Variants in NALCN observed in about 807,000 individuals in gnomAD.
The protein encoded by NALCN is sodium leak channel NALCN.
In NALCN, 111 loss-of-function variants were observed where a neutral mutation model predicts 225.3. That is an observed-to-expected ratio of 0.49 (90% CI 0.42 to 0.58). The LOEUF is 0.58. Ranked by LOEUF, NALCN falls within the 20% of genes least tolerant of loss-of-function variation. The pLI is 0.00. For missense variants in NALCN, 1,378 were observed against 2,202.4 expected (o/e 0.63, Z 7.49); for synonymous variants, 764 against 769.0 (o/e 0.99, Z 0.11).
intron 15 of NALCN, among the ~76,000 whole-genome samples, chr13:101,173,599 T>G (rs1054458776): frequency 6.6e-6 from 1 of 152,176 alleles, no homozygotes; most frequent in Non-Finnish European, 1.5e-5. Context: ...AATGTCACCA[T>G]AGCTATGAGA....
chr13:101,330,465 T>TTTGGA (rs2045125369), intron 7 of NALCN, among the ~76,000 whole-genome samples: 1 of 152,164 alleles, frequency 6.6e-6, no homozygotes. Flanking sequence ...CTGCATTTTA[T>TTTGGA]CTGGACTGGA....
chr13:101,394,720 T>C (rs1222502057), intron 3 of NALCN, among the ~76,000 whole-genome samples: 8 of 148,658 alleles, frequency 5.4e-5, no homozygotes, highest in Non-Finnish European at 9.0e-5. Flanking sequence ...TCTCATGTCC[T>C]TTTTTTTTTA....
chr13:101,131,985 CT>C (rs2036542730), intron 17 of NALCN, among the ~76,000 whole-genome samples: 2 of 152,110 alleles, frequency 1.3e-5, no homozygotes, highest in African/African-American at 4.8e-5. Context: ...TTTATCACCT[CT>C]TTCCCCCCAT....
intron 18 of NALCN, chr13:101,117,072 A>G (rs2035754253): frequency 4.5e-6 from 2 of 447,206 alleles, no homozygotes; most frequent in Middle Eastern, 3.4e-4. Flanking sequence ...AGTCAGCCCT[A>G]TCCTGAGTAA....
chr13:101,219,280 C>G (rs920929617), intron 13 of NALCN, among the ~76,000 whole-genome samples: 1 of 152,092 alleles, frequency 6.6e-6, no homozygotes, highest in Admixed American at 6.6e-5. Flanking sequence ...GTGTTTGCAA[C>G]GGAATTATGC....
intron 34 of NALCN, 75 bp from the exon 35 acceptor site, chr13:101,076,016 C>A: frequency 8.1e-7 from 1 of 1,227,862 alleles, no homozygotes; most frequent in Non-Finnish European, 1.2e-6. Flanking sequence ...TTTAAGCCTT[C>A]TGTGAAGTAT....
At chr13:101,388,516 GA>G (rs2047056239) in intron 3 of NALCN, among the ~76,000 whole-genome samples, 1 of 152,100 alleles carries the variant, frequency 6.6e-6, no homozygotes. Flanking sequence ...ACAGCATTTT[GA>G]AAACGATTTG....
chr13:101,262,581 T>C (rs1179904705), intron 10 of NALCN, among the ~76,000 whole-genome samples: 3 of 152,234 alleles, frequency 2.0e-5, no homozygotes, highest in African/African-American at 7.2e-5. Flanking sequence ...TGGTCTGACC[T>C]GAGAATCCTT....
chr13:101,380,639 G>A (rs901833667), intron 3 of NALCN, among the ~76,000 whole-genome samples: 18 of 152,194 alleles, frequency 1.2e-4, no homozygotes, highest in Non-Finnish European at 1.9e-4. Flanking sequence ...GATAAAACAT[G>A]TTGCAGGATA....
At chr13:101,142,037 T>C (rs2037105333) in intron 17 of NALCN, among the ~76,000 whole-genome samples, 3 of 152,070 alleles carry the variant, frequency 2.0e-5, no homozygotes, top group Non-Finnish European at 1.5e-5. Context: ...TATATATAGT[T>C]TGATACTATG....
Position 101,180,907 on chromosome 13 carries a change from A to G in NALCN, c.1765-4533T>C, listed in dbSNP as rs1299710196. 4 of 381,524 alleles carry G rather than the reference A, an allele frequency of 1.0e-5. No homozygotes were observed. In the East Asian group the frequency reaches 2.6e-4, roughly 25 times the overall value. 23.6% of individuals were successfully genotyped at this position (381,524 alleles called of 1,614,324 possible). A position where few individuals can be genotyped will look rare whatever the true frequency, so the allele number is the denominator to read the frequency against. ...CCAGAAATCAGTCTTATTTCTTCTC[A>G]GAAAGCAGAAACGTGAAAGAAAATT... is the stretch of plus-strand genomic sequence containing the variant. On this transcript the variant is annotated intron_variant, in intron 14 of 43. Transcript: ENST00000251127.
chr13:101,382,254 T>G (rs1285726042), intron 3 of NALCN, among the ~76,000 whole-genome samples: 1 of 138,458 alleles, frequency 7.2e-6, no homozygotes, highest in Non-Finnish European at 1.5e-5. Flanking sequence ...ATTTACAATG[T>G]TAACAAATGA....
At chr13:101,389,579 TCAGAACCTGACGGTCGGTACA>T (rs1260903086) in intron 3 of NALCN, among the ~76,000 whole-genome samples, 1 of 152,030 alleles carries the variant, frequency 6.6e-6, no homozygotes, top group African/African-American at 2.4e-5. Context: ...GCAGCAGAGC[TCAGAACCTGACGGTCGGTACA>T]CAGAAAAGCT....
At position 101,241,439 on chromosome 13, in the gene NALCN, C is replaced by CT. The variant is rs201983020; in HGVS notation, c.1267-3518dup. 9.3e-3 allele frequency among the ~76,000 whole-genome samples: 1,410 copies of CT among 151,210 alleles called. 16 individuals carry two copies. Among genetic ancestry groups the CT allele is most frequent in the African/African-American group, 0.026 (1,052 of 41,228 alleles). ...AATTCAGTACAGATAACATGATAAC[C>CT]TTTTTTTTTCTTTTTCTGAGACAGA... On this transcript the variant is annotated intron_variant, in intron 11 of 43. Transcript: ENST00000251127.
At chr13:101,084,907 A>C (rs1240247872) in intron 30 of NALCN, among the ~76,000 whole-genome samples, 1 of 152,168 alleles carries the variant, frequency 6.6e-6, no homozygotes, top group African/African-American at 2.4e-5. Context: ...CAAAAACCAA[A>C]ACAAATTTCC....
chr13:101,207,436 G>T (rs868791456), intron 13 of NALCN, among the ~76,000 whole-genome samples: 97 of 152,128 alleles, frequency 6.4e-4, no homozygotes, highest in African/African-American at 2.1e-3. Context: ...ATTTTATTCT[G>T]TTAGGCTTAG....
intron 6 of NALCN, among the ~76,000 whole-genome samples, chr13:101,352,889 A>T (rs1424664433): frequency 6.6e-6 from 1 of 152,194 alleles, no homozygotes; most frequent in Admixed American, 6.5e-5. Context: ...AATTTGACCC[A>T]TTTGTTGTAA....
intron 13 of NALCN, among the ~76,000 whole-genome samples, chr13:101,219,503 T>C (rs1034943474): frequency 4.7e-4 from 71 of 152,296 alleles, no homozygotes; most frequent in African/African-American, 1.6e-3. Flanking sequence ...ACCTGTCTCA[T>C]GTGTGGGATC....
At chr13:101,244,275 A>C (rs1329001801) in intron 11 of NALCN, among the ~76,000 whole-genome samples, 3 of 152,216 alleles carry the variant, frequency 2.0e-5, no homozygotes, top group African/African-American at 7.2e-5. Context: ...TTATGTATAC[A>C]TACAATTAAT....
Sources: allele counts gnomAD v4.1 joint callset (sites outside exome capture counted in the v4.1 genomes callset), GRCh38; gene constraint gnomAD v4.1.1; transcripts MANE v1.5; gene names NCBI Gene and HGNC (gene_info 2026-07-23, HGNC 2026-07-21).